ENAH: variants seen among roughly 807,000 people sequenced by gnomAD.
ENAH encodes the protein ENAH actin regulator, also known as protein enabled homolog.
ENAH carries 23 observed loss-of-function variants against 78.7 expected under a neutral mutation model. That is an observed-to-expected ratio of 0.29 (90% CI 0.21 to 0.41). ENAH has a LOEUF of 0.41. Among genes scored for constraint, ENAH ranks in the 10% least tolerant of loss-of-function variants. The pLI is 1.00. For synonymous variants in ENAH, 226 were observed against 241.0 expected (o/e 0.94, Z 0.58); for missense variants, 544 against 691.0 (o/e 0.79, Z 2.39).
chr1:225,527,068 C>T (rs7529690), intron 4 of ENAH, among the ~76,000 whole-genome samples: 127,526 of 152,198 alleles, frequency 0.84, 53,522 homozygotes, highest in Middle Eastern at 0.91. Context: ...TGGCTGCCAG[C>T]GTCTAGGAGC....
In ENAH at chr1:225,644,514, T is replaced by C. The variant is rs528660684; in HGVS notation, c.5+8172A>G. Among the ~76,000 whole-genome samples, 13 of 152,250 alleles carry C rather than the reference T, an allele frequency of 8.5e-5. No homozygotes were observed. The East Asian group carries it at 2.5e-3, about 29-fold the overall frequency. ...AGCAGATATTCAAATAACCAGTATA[T>C]AATAATTATTAAGACTGCATAAAAA... On this transcript the variant is annotated intron_variant, in intron 1 of 13. Transcript: ENST00000366843.
At chr1:225,512,745 A>G (rs1197120219) in intron 8 of ENAH, 31 bp from the exon 9 acceptor site, 2 of 1,612,192 alleles carry the variant, frequency 1.2e-6, no homozygotes, top group Non-Finnish European at 1.7e-6. Flanking sequence ...ATTTTTAAAA[A>G]TATTATCTGA....
In ENAH at chr1:225,519,421, T is replaced by C. The variant is rs2096449464; in HGVS notation, c.579A>G (p.Arg193=). Residue 193 remains arginine (R), a synonymous_variant, in exon 5 of 14, where the codon AGA becomes AGG. Transcript: ENST00000366843. ...CCTGCCGTTCCCGTTCTTGTCTCTC[T>C]CTCTCCAGCTGTTCTTGTTCCAGTC... The part of the protein sequence containing the change: ...RERLEQEQLE[R]ERQERERQER... 2.5e-6 allele frequency: 4 copies of C among 1,613,794 alleles called. No individual in the cohort carries two copies. In the Admixed American group the frequency reaches 6.7e-5, roughly 27 times the overall value.
At chr1:225,546,735 A>G (rs747328124) in intron 3 of ENAH, among the ~76,000 whole-genome samples, 4 of 152,170 alleles carry the variant, frequency 2.6e-5, no homozygotes, top group Non-Finnish European at 4.4e-5. Context: ...ACCCTTTTAT[A>G]CTGTAATTAA....
Position 225,497,689 on chromosome 1 carries a change from T to C in ENAH, c.*86A>G, listed in dbSNP as rs1450084941. ...CCATTTTCTTCTTACAGCTCATAAA[T>C]GTAGGGGTTTGCTGTTGTGAACAGT... is the stretch of plus-strand genomic sequence containing the variant. On this transcript the variant is annotated 3_prime_UTR_variant, in exon 14 of 14. Transcript: ENST00000366843. 1.3e-5 allele frequency: 18 copies of C among 1,356,506 alleles called. No individual in the cohort carries two copies. Among genetic ancestry groups the C allele is most frequent in the East Asian group, 9.3e-5 (4 of 43,082 alleles). The allele number at this position is 1,356,506 out of a possible 1,614,324, so 84.0% of individuals were successfully genotyped here. A position where few individuals can be genotyped will look rare whatever the true frequency, so the allele number is the denominator to read the frequency against.
rs778794551 is a variant in ENAH, at chr1:225,511,821, T to C, written c.1461A>G (p.Thr487=). 8.7e-6 allele frequency: 14 copies of C among 1,604,594 alleles called. No individual in the cohort carries two copies. The East Asian group carries it at 3.1e-4, about 36-fold the overall frequency. ...SEPVTSKASS[T]STPEPTRKPW... is the part of the protein sequence containing the mutation. Reference sequence around the variant, plus strand: ...TTATCTTGAACTTACCAGGTGTACTTGTTGAAGAGGCCTTAGAAGTTACAG... The same window carrying C: ...TTATCTTGAACTTACCAGGTGTACTCGTTGAAGAGGCCTTAGAAGTTACAG... Residue 487 remains threonine (T), a synonymous_variant, in exon 10 of 14, where the codon ACA becomes ACG. Coordinates refer to ENST00000366843, the MANE Select transcript of ENAH (RefSeq NM_018212.6).
At chr1:225,530,272 T>C (rs1333652449) in intron 4 of ENAH, among the ~76,000 whole-genome samples, 7 of 152,142 alleles carry the variant, frequency 4.6e-5, no homozygotes. Context: ...TCTTGAACCA[T>C]AAGAAGATTT....
chr1:225,502,916 G>C (rs749516536), intron 11 of ENAH, among the ~76,000 whole-genome samples: 1 of 151,956 alleles, frequency 6.6e-6, no homozygotes, highest in Non-Finnish European at 1.5e-5. Context: ...CATTTAAGTG[G>C]CCCATTTAGC....
chr1:225,625,309 AG>A (rs1370731447), intron 1 of ENAH, among the ~76,000 whole-genome samples: 1 of 152,248 alleles, frequency 6.6e-6, no homozygotes, highest in African/African-American at 2.4e-5. Flanking sequence ...AGCAATATTT[AG>A]CAGACAAAAA....
intron 2 of ENAH, among the ~76,000 whole-genome samples, chr1:225,562,626 A>G (rs572487723): frequency 1.3e-5 from 2 of 150,398 alleles, no homozygotes; most frequent in East Asian, 4.0e-4. Context: ...AGTACCCATA[A>G]GCACTTAATA....
chr1:225,596,299 G>C (rs1366595331), intron 1 of ENAH, among the ~76,000 whole-genome samples: 2 of 152,126 alleles, frequency 1.3e-5, no homozygotes, highest in African/African-American at 4.8e-5. Context: ...ATTTTACTTA[G>C]GGTAAGCCTG....
Position 225,517,208 on chromosome 1 carries a change from G to C in ENAH, c.901C>G (p.Pro301Ala), listed in dbSNP as rs143810413. 2.1e-5 allele frequency: 32 copies of C among 1,538,136 alleles called. No homozygotes were observed. The highest frequency in any genetic ancestry group is 4.2e-4 in the Middle Eastern group (2 of 4,782). Residue 301 changes from proline (P) to alanine (A), a missense_variant, in exon 6 of 14, where the codon CCA becomes GCA. By Grantham distance (27) the Pro-to-Ala change is conservative (BLOSUM62 -1). Around this residue, in one of 4 missense-constraint regions of ENAH, gnomAD observed 366 missense variants for 396.1 expected, o/e 0.92. Coordinates refer to ENST00000366843, the MANE Select transcript of ENAH (RefSeq NM_018212.6). ...LQAASQPAET[P>A]SQQGIVLGPL... ...ATGAAAGCCTTACCCTGTTGGGATG[G>C]AGTCTCGGCCGGCTGAGAGGCTGCC...
intron 2 of ENAH, among the ~76,000 whole-genome samples, chr1:225,561,599 C>T (rs982477477): frequency 2.9e-5 from 2 of 69,828 alleles, no homozygotes; most frequent in African/African-American, 9.2e-5. Context: ...TCCAGCCTGG[C>T]GACAGAGTGA....
intron 10 of ENAH, among the ~76,000 whole-genome samples, chr1:225,509,456 G>A (rs1200555141): frequency 3.3e-5 from 5 of 152,178 alleles, no homozygotes; most frequent in African/African-American, 1.2e-4. Flanking sequence ...TGGTTCAGCT[G>A]GCCCTGTGGA....
chr1:225,616,172 C>T (rs998799225), intron 1 of ENAH, among the ~76,000 whole-genome samples: 2 of 151,958 alleles, frequency 1.3e-5, no homozygotes, highest in Admixed American at 6.6e-5. Context: ...ATCTCAAGTA[C>T]CCAGGGACAC....
At chr1:225,550,187 T>C (rs2096634703) in intron 3 of ENAH, among the ~76,000 whole-genome samples, 1 of 152,194 alleles carries the variant, frequency 6.6e-6, no homozygotes, top group African/African-American at 2.4e-5. Context: ...GTTCTATCAC[T>C]GATGAGCCCT....
At chr1:225,559,547 CTG>C (rs1553438655) in intron 2 of ENAH, among the ~76,000 whole-genome samples, 1 of 152,132 alleles carries the variant, frequency 6.6e-6, no homozygotes, top group Non-Finnish European at 1.5e-5. Context: ...ACAAGAGGAA[CTG>C]TGAAATATCT....
chr1:225,641,847 C>G lies in ENAH; in HGVS notation c.5+10839G>C, dbSNP rs187452128. Among the ~76,000 whole-genome samples the G allele has an allele frequency of 4.8e-3, 735 of 152,172 alleles. 3 individuals are homozygous for G. The highest frequency in any genetic ancestry group is 0.014 in the Middle Eastern group (4 of 294). ...ACCAGCCCGGCCAACATGGTGAAAC[C>G]CTGTCTCTACTAAAAATACAAAAAT... On this transcript the variant is annotated intron_variant, in intron 1 of 13. Coordinates refer to ENST00000366843, the MANE Select transcript of ENAH (RefSeq NM_018212.6).
chr1:225,555,450 C>T (rs2096661661), intron 2 of ENAH, among the ~76,000 whole-genome samples: 1 of 151,838 alleles, frequency 6.6e-6, no homozygotes, highest in African/African-American at 2.4e-5. Context: ...GGCGCAGTGG[C>T]GGGTGCCTGT....
Sources: gnomAD v4.1 joint callset for allele counts (sites outside exome capture counted in the v4.1 genomes callset) on GRCh38, gnomAD v4.1.1 for gene constraint, gnomAD v4.1.1 regional missense constraint, MANE v1.5 for transcripts, NCBI Gene and HGNC (gene_info 2026-07-23, HGNC 2026-07-21) for gene names.